EXOC4: variants seen among roughly 807,000 people sequenced by gnomAD.
The protein encoded by EXOC4 is exocyst complex component 4.
In EXOC4, 71 loss-of-function variants were observed where a neutral mutation model predicts 107.2. That is an observed-to-expected ratio of 0.66 (90% CI 0.55 to 0.81). The LOEUF is 0.81. EXOC4 is among the 30% of genes least tolerant of loss of function. The pLI is 0.00. For synonymous variants in EXOC4, 456 were observed against 441.2 expected (o/e 1.03, Z -0.42); for missense variants, 1,108 against 1,189.6 (o/e 0.93, Z 1.01).
chr7:133,776,424 G>T (rs1239164664), intron 10 of EXOC4, among the ~76,000 whole-genome samples: 1 of 152,070 alleles, frequency 6.6e-6, no homozygotes, highest in African/African-American at 2.4e-5. Context: ...CTTGTCTCTT[G>T]TTCCAGACAT....
intron 7 of EXOC4, among the ~76,000 whole-genome samples, chr7:133,407,355 C>T (rs1211748986): frequency 6.6e-6 from 1 of 152,150 alleles, no homozygotes; most frequent in Non-Finnish European, 1.5e-5. Flanking sequence ...GAAGTTGAGC[C>T]CAGCTTCTCT....
At chr7:133,305,412 G>A (rs1794730129) in intron 3 of EXOC4, among the ~76,000 whole-genome samples, 1 of 152,128 alleles carries the variant, frequency 6.6e-6, no homozygotes, top group Non-Finnish European at 1.5e-5. Flanking sequence ...GAGAGAGCCC[G>A]ACTCTTGGTA....
At chr7:133,295,484 A>G (rs902412058) in intron 3 of EXOC4, among the ~76,000 whole-genome samples, 1 of 152,210 alleles carries the variant, frequency 6.6e-6, no homozygotes, top group African/African-American at 2.4e-5. Flanking sequence ...ATGAGCTTGT[A>G]AAATCTACTT....
chr7:133,559,250 T>C (rs899120912), intron 9 of EXOC4, among the ~76,000 whole-genome samples: 4 of 152,212 alleles, frequency 2.6e-5, no homozygotes, highest in Non-Finnish European at 5.9e-5. Flanking sequence ...TCTGTTACTA[T>C]GCAAATGTAT....
chr7:133,936,015 A>G (rs1800291349), intron 13 of EXOC4, among the ~76,000 whole-genome samples: 1 of 152,182 alleles, frequency 6.6e-6, no homozygotes, highest in Admixed American at 6.5e-5. Context: ...TCAGTATTCA[A>G]ACCTGGGTTT....
chr7:133,960,748 C>A (rs568531047), intron 14 of EXOC4, among the ~76,000 whole-genome samples: 1 of 152,254 alleles, frequency 6.6e-6, no homozygotes, highest in African/African-American at 2.4e-5. Context: ...ATTTTAGCAT[C>A]TATGTTCATC....
chr7:133,553,408 CT>C (rs1366964622), intron 9 of EXOC4, among the ~76,000 whole-genome samples: 2 of 152,254 alleles, frequency 1.3e-5, no homozygotes, highest in East Asian at 3.9e-4. Flanking sequence ...CTTTTCAAGG[CT>C]TTTTGCTGTA....
At chr7:133,764,817 A>G (rs1375655085) in intron 10 of EXOC4, among the ~76,000 whole-genome samples, 1 of 152,058 alleles carries the variant, frequency 6.6e-6, no homozygotes, top group Non-Finnish European at 1.5e-5. Flanking sequence ...TCTGTTATAC[A>G]TATGTACAGA....
intron 10 of EXOC4, among the ~76,000 whole-genome samples, chr7:133,798,624 T>TG (rs1322947758): frequency 6.6e-6 from 1 of 152,114 alleles, no homozygotes; most frequent in Non-Finnish European, 1.5e-5. Context: ...GGAGCCTGAG[T>TG]GGTCAGAAAA....
intron 7 of EXOC4, among the ~76,000 whole-genome samples, chr7:133,438,067 C>A (rs10276144): frequency 1.3e-5 from 2 of 152,076 alleles, no homozygotes; most frequent in African/African-American, 4.8e-5. Flanking sequence ...TTAGCTAACT[C>A]TAACAAGATA....
At chr7:133,353,330 A>C (rs1795952340) in intron 5 of EXOC4, among the ~76,000 whole-genome samples, 1 of 152,126 alleles carries the variant, frequency 6.6e-6, no homozygotes, top group Non-Finnish European at 1.5e-5. Flanking sequence ...ATGGTACTGA[A>C]ATCCTGTAGC....
At chr7:133,564,303 A>T (rs1800864612) in intron 9 of EXOC4, among the ~76,000 whole-genome samples, 1 of 152,106 alleles carries the variant, frequency 6.6e-6, no homozygotes, top group Admixed American at 6.5e-5. Flanking sequence ...GAGAAGGGGA[A>T]GGTGCCACAC....
intron 10 of EXOC4, among the ~76,000 whole-genome samples, chr7:133,796,482 C>T (rs147396519): frequency 6.6e-6 from 1 of 152,106 alleles, no homozygotes; most frequent in Non-Finnish European, 1.5e-5. Flanking sequence ...TTTGGCCGGG[C>T]GCGGTGGTGG....
the EXOC4 span, among the ~76,000 whole-genome samples, chr7:134,100,376 A>G: frequency 1.6e-5 from 2 of 128,164 alleles, 1 homozygote; most frequent in African/African-American, 5.4e-5. Flanking sequence ...GAACTGTGAG[A>G]CAATATATTT....
chr7:133,673,464 G>T (rs1231163154), intron 10 of EXOC4, among the ~76,000 whole-genome samples: 1 of 152,088 alleles, frequency 6.6e-6, no homozygotes, highest in Non-Finnish European at 1.5e-5. Flanking sequence ...CTTGAATGAA[G>T]TTCCATTCAT....
At chr7:133,571,096 TATAAAC>T (rs1260890561) in intron 9 of EXOC4, among the ~76,000 whole-genome samples, 2 of 152,196 alleles carry the variant, frequency 1.3e-5, no homozygotes, top group African/African-American at 2.4e-5. Context: ...AGATACAACT[TATAAAC>T]AGATTTAAAG....
intron 5 of EXOC4, among the ~76,000 whole-genome samples, chr7:133,326,463 C>T (rs537931833): frequency 3.3e-5 from 5 of 152,256 alleles, no homozygotes; most frequent in South Asian, 2.1e-4. Context: ...TGGAGTTTGC[C>T]GGAGGTCTAC....
chr7:134,081,171 C>T, the EXOC4 span, among the ~76,000 whole-genome samples: 7 of 152,116 alleles, frequency 4.6e-5, no homozygotes, highest in African/African-American at 1.4e-4. Flanking sequence ...GGCACAACCC[C>T]ATCTCTACTA....
intron 7 of EXOC4, among the ~76,000 whole-genome samples, chr7:133,401,386 A>G (rs964446168): frequency 1.3e-5 from 2 of 151,848 alleles, no homozygotes; most frequent in African/African-American, 4.8e-5. Context: ...TAGTTAGAGG[A>G]TGACTGGGTT....
Sources: gnomAD v4.1 joint callset for allele counts (sites outside exome capture counted in the v4.1 genomes callset) on GRCh38, gnomAD v4.1.1 for gene constraint, MANE v1.5 for transcripts, NCBI Gene and HGNC (gene_info 2026-07-23, HGNC 2026-07-21) for gene names.